SLC30A8: variants seen among roughly 807,000 people sequenced by gnomAD.
SLC30A8 encodes the protein solute carrier family 30 member 8, also known as proton-coupled zinc antiporter SLC30A8.
Under a neutral mutation model 36.9 loss-of-function variants are expected in SLC30A8, and 27 were observed. The ratio of observed to expected loss-of-function variants is 0.73; its 90% CI spans 0.54 to 1.01. SLC30A8 has a LOEUF of 1.01. Among genes scored for constraint, SLC30A8 ranks in the 50% least tolerant of loss-of-function variants. The pLI, the probability that SLC30A8 is intolerant of heterozygous loss-of-function variation, is 0.00. For missense variants in SLC30A8, 439 were observed against 452.0 expected (o/e 0.97, Z 0.26); for synonymous variants, 164 against 172.4 (o/e 0.95, Z 0.38).
At chr8:117,112,178 A>G (rs546435344) in intron 2 of SLC30A8, among the ~76,000 whole-genome samples, 135 of 152,240 alleles carry the variant, frequency 8.9e-4, no homozygotes, top group Admixed American at 3.5e-3. Flanking sequence ...TTGATAAATG[A>G]CAGGTGATTT....
At chr8:117,118,556 G>A (rs1372147334) in intron 2 of SLC30A8, among the ~76,000 whole-genome samples, 2 of 151,102 alleles carry the variant, frequency 1.3e-5, no homozygotes, top group Non-Finnish European at 3.0e-5. Context: ...TTTTAACCAC[G>A]GAGCATTCTT....
At chr8:117,006,956 T>C (rs7005148) in intron 1 of SLC30A8, 1 of 44,900 alleles carries the variant, frequency 2.2e-5, no homozygotes, top group Non-Finnish European at 5.5e-5. Flanking sequence ...CTAATTCTTG[T>C]TTTTTTTTTT....
At chr8:117,053,809 G>A (rs537221589) in intron 2 of SLC30A8, among the ~76,000 whole-genome samples, 4 of 152,274 alleles carry the variant, frequency 2.6e-5, no homozygotes, top group African/African-American at 7.2e-5. Flanking sequence ...GGATTTTTAG[G>A]TTTTTGAAAT....
At chr8:116,957,229 A>G (rs182492032) in intron 1 of SLC30A8, among the ~76,000 whole-genome samples, 6 of 152,114 alleles carry the variant, frequency 3.9e-5, no homozygotes, top group South Asian at 2.1e-4. Flanking sequence ...TTTCTTTCAC[A>G]TAGTTAAAGG....
intron 6 of SLC30A8, among the ~76,000 whole-genome samples, chr8:117,167,498 C>T (rs577507960): frequency 0.13 from 17,866 of 132,424 alleles, 1,746 homozygotes; most frequent in East Asian, 0.24. Flanking sequence ...TATATACATA[C>T]ATACATGTAT....
intron 2 of SLC30A8, among the ~76,000 whole-genome samples, chr8:117,095,466 T>C (rs1819318813): frequency 6.6e-6 from 1 of 152,052 alleles, no homozygotes; most frequent in South Asian, 2.1e-4. Context: ...TTTTTTTGCA[T>C]AAAAATATAT....
chr8:117,098,936 C>T (rs1819590388), intron 2 of SLC30A8, among the ~76,000 whole-genome samples: 1 of 151,942 alleles, frequency 6.6e-6, no homozygotes, highest in African/African-American at 2.4e-5. Flanking sequence ...CCAGAGACAC[C>T]AAGTGGGGAG....
At chr8:117,037,912 G>A (rs1418485706) in intron 1 of SLC30A8, among the ~76,000 whole-genome samples, 2 of 152,124 alleles carry the variant, frequency 1.3e-5, no homozygotes, top group African/African-American at 4.8e-5. Flanking sequence ...GGATTAAATA[G>A]AATAAAACCA....
At chr8:117,163,952 T>C (rs921134224) in intron 6 of SLC30A8, 3 of 161,386 alleles carry the variant, frequency 1.9e-5, no homozygotes, top group African/African-American at 7.2e-5. Context: ...AAGTGTTTAT[T>C]GAGCCCCAAC....
intron 6 of SLC30A8, among the ~76,000 whole-genome samples, chr8:117,169,294 C>T (rs1162173226): frequency 6.6e-6 from 1 of 152,126 alleles, no homozygotes; most frequent in African/African-American, 2.4e-5. Flanking sequence ...GTTCTTAGCC[C>T]ATTTTTTGCC....
intron 7 of SLC30A8, among the ~76,000 whole-genome samples, 169 bp from the exon 8 acceptor site, chr8:117,172,367 C>G (rs965681615): frequency 6.6e-6 from 1 of 152,286 alleles, no homozygotes; most frequent in South Asian, 2.1e-4. Flanking sequence ...TTTCCCCTGC[C>G]TTGTCTGTGT....
chr8:117,038,817 A>G (rs1448789203), intron 1 of SLC30A8, among the ~76,000 whole-genome samples: 2 of 152,212 alleles, frequency 1.3e-5, no homozygotes, highest in Non-Finnish European at 2.9e-5. Flanking sequence ...AACCAATAAG[A>G]TGATTTTAAA....
intron 1 of SLC30A8, among the ~76,000 whole-genome samples, chr8:117,012,724 TACACACAC>T (rs376889831): frequency 3.2e-4 from 40 of 126,390 alleles, no homozygotes; most frequent in Middle Eastern, 4.8e-3. Flanking sequence ...GACATATGTA[TACACACAC>T]ACACACACAC....
At chr8:117,122,709 TG>T (rs1355078425) in intron 2 of SLC30A8, among the ~76,000 whole-genome samples, 1 of 152,154 alleles carries the variant, frequency 6.6e-6, no homozygotes, top group East Asian at 1.9e-4. Flanking sequence ...ACTCAGGCTC[TG>T]GGTGTTTTAG....
At chr8:117,100,830 T>C (rs1247538505) in intron 2 of SLC30A8, among the ~76,000 whole-genome samples, 1 of 152,220 alleles carries the variant, frequency 6.6e-6, no homozygotes, top group Non-Finnish European at 1.5e-5. Flanking sequence ...ATTCTGTTAA[T>C]TTCATAAAAT....
intron 2 of SLC30A8, among the ~76,000 whole-genome samples, chr8:117,050,201 CTGCT>C (rs1041003526): frequency 1.3e-5 from 2 of 152,092 alleles, no homozygotes; most frequent in African/African-American, 4.8e-5. Context: ...TGGCCCGGCT[CTGCT>C]TGATCACGTC....
At position 117,176,045 on chromosome 8, in the gene SLC30A8, C is replaced by T. The variant is rs1011708466; in HGVS notation, c.*3364C>T. ...AAGTCATAGGTCTCCCAAGTCTTAC[C>T]CCATTCCTGTGAAATATCAAGTTCT... is the stretch of plus-strand genomic sequence containing the variant. On this transcript the variant is annotated 3_prime_UTR_variant, in exon 8 of 8. Transcript: ENST00000456015. 1 of 152,082 alleles carries T rather than the reference C, an allele frequency of 6.6e-6. No homozygotes were observed. Among genetic ancestry groups the T allele is most frequent in the Admixed American group, 6.6e-5 (1 of 15,242 alleles). 9.4% of individuals were successfully genotyped at this position (152,082 alleles called of 1,614,324 possible). A position where few individuals can be genotyped will look rare whatever the true frequency, so the allele number is the denominator to read the frequency against.
At chr8:116,983,432 ATATT>A (rs1815342308) in intron 1 of SLC30A8, among the ~76,000 whole-genome samples, 2 of 152,276 alleles carry the variant, frequency 1.3e-5, no homozygotes, top group South Asian at 4.1e-4. Flanking sequence ...CATGAAAAGA[ATATT>A]TAGTCTCCAT....
chr8:117,128,311 T>A (rs1424056760), intron 2 of SLC30A8: 2 of 151,700 alleles, frequency 1.3e-5, no homozygotes, highest in Non-Finnish European at 2.9e-5. Flanking sequence ...GGACTAGGAG[T>A]TTCCTAGCAG....
Sources: allele counts gnomAD v4.1 joint callset (sites outside exome capture counted in the v4.1 genomes callset), GRCh38; gene constraint gnomAD v4.1.1; transcripts MANE v1.5; gene names NCBI Gene and HGNC (gene_info 2026-07-23, HGNC 2026-07-21).